LAMA1: variants seen among roughly 807,000 people sequenced by gnomAD.
LAMA1 encodes the protein laminin subunit alpha-1.
In LAMA1, 219 loss-of-function variants were observed where a neutral mutation model predicts 348.7. The observed-to-expected ratio is 0.63, with a 90% CI of 0.56 to 0.70. LAMA1 has a LOEUF of 0.70. LAMA1 is among the 30% of genes least tolerant of loss of function. The pLI, the probability that LAMA1 is intolerant of heterozygous loss-of-function variation, is 0.00. For missense variants in LAMA1, 3,744 were observed against 3,888.0 expected (o/e 0.96, Z 0.99); for synonymous variants, 1,487 against 1,491.0 (o/e 1.00, Z 0.06).
chr18:7,000,328 T>TA (rs891381302), intron 30 of LAMA1, among the ~76,000 whole-genome samples: 9 of 152,296 alleles, frequency 5.9e-5, no homozygotes, highest in African/African-American at 2.2e-4. Context: ...CTTTGCTTAC[T>TA]AAGTGATAAG....
chr18:7,021,226 G>A (rs886102181), intron 19 of LAMA1, among the ~76,000 whole-genome samples: 9 of 152,212 alleles, frequency 5.9e-5, no homozygotes, highest in African/African-American at 1.9e-4. Context: ...GGGCCTGCCC[G>A]CCTCCGTGCC....
intron 56 of LAMA1, chr18:6,956,410 C>G: frequency 1.4e-6 from 1 of 704,278 alleles, no homozygotes; most frequent in East Asian, 2.8e-5. Context: ...CAATGCGCGG[C>G]CTGGGTGTTG....
intron 51 of LAMA1, among the ~76,000 whole-genome samples, chr18:6,962,886 T>A (rs74833704): frequency 2.6e-5 from 4 of 152,276 alleles, no homozygotes; most frequent in African/African-American, 9.6e-5. Flanking sequence ...CAAGTCAATA[T>A]CATATTTTTC....
chr18:7,076,493 T>C (rs1382054819), intron 3 of LAMA1, among the ~76,000 whole-genome samples: 3 of 152,108 alleles, frequency 2.0e-5, no homozygotes, highest in African/African-American at 7.2e-5. Context: ...AATAAAACCA[T>C]GAAGAAACAA....
intron 36 of LAMA1, among the ~76,000 whole-genome samples, chr18:6,987,054 C>T (rs763722224): frequency 2.6e-5 from 4 of 152,174 alleles, no homozygotes; most frequent in Admixed American, 6.5e-5. Context: ...CCACTGCGCC[C>T]GGCCCAAAGC....
Position 7,007,181 on chromosome 18 carries a change from G to T in LAMA1, c.4218C>A (p.Asn1406Lys). The change falls in exon 29 of 63, where the codon AAC (asparagine) becomes AAA (lysine). Residue 1406 changes from asparagine to lysine, a missense_variant. By Grantham distance (94) the Asn-to-Lys change is moderately conservative. This residue lies in a region of LAMA1 where 1,983 missense variants were observed against 1,934.3 expected (regional missense o/e 1.03). Coordinates refer to ENST00000389658, the MANE Select transcript of LAMA1 (RefSeq NM_005559.4). ...LVAPCVPCSC[N>K]NHSDTCDPNT... ...TGGGGTCACAGGTGTCACTGTGGTTGTTGCAACTGCAGGGAACACAAGGAG... is the reference window on the plus strand; with the variant it reads ...TGGGGTCACAGGTGTCACTGTGGTTTTTGCAACTGCAGGGAACACAAGGAG... 1 of 1,614,180 alleles carries T rather than the reference G, an allele frequency of 6.2e-7. No individual in the cohort carries two copies. Among genetic ancestry groups the T allele is most frequent in the East Asian group, 2.2e-5 (1 of 44,866 alleles).
rs35312302 is a variant in LAMA1, at chr18:7,073,464, T to C, written c.345+6511A>G. 3.3e-5 allele frequency among the ~76,000 whole-genome samples: 5 copies of C among 152,320 alleles called. No homozygotes were observed. The South Asian group carries it at 1.0e-3, about 32-fold the overall frequency. On this transcript the variant is annotated intron_variant, in intron 3 of 62. Coordinates refer to ENST00000389658, the MANE Select transcript of LAMA1 (RefSeq NM_005559.4). ...CACCCCGCTCCACTTTCTGTCTCTA[T>C]GAACTGACTTCTCCAGGTACTTCAT...
At chr18:7,067,853 T>A (rs1598304022) in intron 3 of LAMA1, among the ~76,000 whole-genome samples, 1 of 145,224 alleles carries the variant, frequency 6.9e-6, no homozygotes, top group Admixed American at 6.6e-5. Flanking sequence ...TGGGTCCTTT[T>A]CGCATTTTTT....
Position 7,098,677 on chromosome 18 carries a change from G to A in LAMA1, c.62-18220C>T, listed in dbSNP as rs1368949087. 3.3e-5 allele frequency among the ~76,000 whole-genome samples: 5 copies of A among 151,114 alleles called. No homozygotes were observed. The East Asian group carries it at 5.9e-4, about 18-fold the overall frequency. The stretch of plus-strand genomic sequence containing the variant: ...GCAGCCACCCAGTCTGGGAAGTGAG[G>A]AGCGTCTCCGCCCGGCAGCCACCCC... On this transcript the variant is annotated intron_variant, in intron 1 of 62. Transcript: ENST00000389658.
At position 7,038,802 on chromosome 18, in the gene LAMA1, C is replaced by A. The variant is rs755828883; in HGVS notation, c.1563+8G>T. 4 of 1,614,064 alleles carry A rather than the reference C, an allele frequency of 2.5e-6. No homozygotes were observed. The South Asian group carries it at 4.4e-5, about 18-fold the overall frequency. On this transcript the variant is annotated splice_region_variant and intron_variant, in intron 11 of 62. Transcript: ENST00000389658. ...ATTAAATCCCGCCGCGCAGATGGCG[C>A]CTCCCACCTGACCAACAGGCCAAGA...
At chr18:7,049,879 C>G (rs982133166) in intron 4 of LAMA1, among the ~76,000 whole-genome samples, 1 of 151,914 alleles carries the variant, frequency 6.6e-6, no homozygotes, top group Non-Finnish European at 1.5e-5. Context: ...AAAAGAAAAC[C>G]CTCACTTGCC....
Position 7,011,300 on chromosome 18 carries a change from C to G in LAMA1, c.3687G>C (p.Gln1229His). The G allele has an allele frequency of 6.2e-7, 1 of 1,610,540 alleles. No individual in the cohort carries two copies. The highest frequency in any genetic ancestry group is 8.5e-7 in the Non-Finnish European group (1 of 1,179,120). The change falls in exon 25 of 63, where the codon CAG becomes CAC. Residue 1229 changes from glutamine to histidine, a missense_variant and splice_region_variant. Physicochemically the swap from Gln to His is conservative, Grantham distance 24 (BLOSUM62 0). Coordinates refer to ENST00000389658, the MANE Select transcript of LAMA1 (RefSeq NM_005559.4). The part of the protein sequence containing the change: ...WRLPQQFQGD[Q>H]LMAYGGKLKY... ...GCTCTCGGCTGGGCGTGCACCTCAC[C>G]TGGTCTCCTTGGAACTGCTGCGGCA...
At chr18:7,080,174 A>G in intron 2 of LAMA1, 87 bp from the exon 3 acceptor site, 2 of 1,559,826 alleles carry the variant, frequency 1.3e-6, no homozygotes, top group Non-Finnish European at 8.8e-7. Flanking sequence ...AGTGGAAACA[A>G]AGAGCAGTGA....
At chr18:7,090,597 G>T (rs1420084546) in intron 1 of LAMA1, among the ~76,000 whole-genome samples, 4 of 152,032 alleles carry the variant, frequency 2.6e-5, no homozygotes, top group African/African-American at 7.2e-5. Context: ...ACCAGGCAAG[G>T]ACCAAAGCCC....
intron 1 of LAMA1, among the ~76,000 whole-genome samples, chr18:7,089,684 C>T (rs1450574641): frequency 6.6e-6 from 1 of 152,200 alleles, no homozygotes; most frequent in Non-Finnish European, 1.5e-5. Flanking sequence ...GGAATAAAAT[C>T]ACCCTCTTCA....
At chr18:7,051,557 G>T (rs865954977) in intron 3 of LAMA1, among the ~76,000 whole-genome samples, 5 of 152,006 alleles carry the variant, frequency 3.3e-5, no homozygotes, top group South Asian at 2.1e-4. Context: ...TAAATATGTA[G>T]TATTATTATT....
chr18:7,026,022 C>A lies in LAMA1; in HGVS notation c.2359G>T (p.Asp787Tyr). The A allele has an allele frequency of 1.9e-6, 3 of 1,609,398 alleles. No individual in the cohort carries two copies. The South Asian group carries it at 3.3e-5, about 18-fold the overall frequency. The change falls in exon 17 of 63, where the codon GAC becomes TAC. Residue 787 changes from aspartate (D) to tyrosine (Y), a missense_variant. By Grantham distance (160) the Asp-to-Tyr change is radical. Coordinates refer to ENST00000389658, the MANE Select transcript of LAMA1 (RefSeq NM_005559.4). ...AGAGGGCAGGCGCAGGGCTGGCAGT[C>A]CCCAGGTGTCCCTCGGGAAGGCTCC... Reference protein sequence around the residue: ...YGEPSRGTPGDCQPCACPLTI... With the variant: ...YGEPSRGTPGYCQPCACPLTI...
chr18:7,048,162 A>T (rs1433708059), intron 5 of LAMA1, among the ~76,000 whole-genome samples: 1 of 152,226 alleles, frequency 6.6e-6, no homozygotes, highest in Non-Finnish European at 1.5e-5. Context: ...AAATTCTTTT[A>T]TAAGTCAGTA....
At chr18:7,029,732 T>C (rs184175998) in intron 16 of LAMA1, among the ~76,000 whole-genome samples, 29 of 152,314 alleles carry the variant, frequency 1.9e-4, no homozygotes, top group Non-Finnish European at 3.1e-4. Flanking sequence ...CACAATTTAC[T>C]GTGATGCCAT....
Sources: allele counts gnomAD v4.1 joint callset (sites outside exome capture counted in the v4.1 genomes callset), GRCh38; gene constraint gnomAD v4.1.1; regional missense constraint gnomAD v4.1.1; transcripts MANE v1.5; gene names NCBI Gene and HGNC (gene_info 2026-07-23, HGNC 2026-07-21).